Variants in DEPTOR observed in about 807,000 individuals in gnomAD.
The protein encoded by DEPTOR is DEP domain-containing mTOR-interacting protein.
DEPTOR carries 41 observed loss-of-function variants against 41.6 expected under a neutral mutation model. The ratio of observed to expected loss-of-function variants is 0.98; its 90% CI spans 0.77 to 1.28. The LOEUF (loss-of-function observed/expected upper bound fraction) is 1.28, where lower values mean the gene tolerates loss of function less well. DEPTOR is among the 50% of genes most tolerant of loss of function. DEPTOR has a pLI of 0.00. For missense variants in DEPTOR, 514 were observed against 527.9 expected (o/e 0.97, Z 0.26); for synonymous variants, 195 against 192.3 (o/e 1.01, Z -0.12).
chr8:119,877,018 G>A (rs1229093453), intron 1 of DEPTOR, among the ~76,000 whole-genome samples: 3 of 152,170 alleles, frequency 2.0e-5, no homozygotes, highest in Admixed American at 6.5e-5. Flanking sequence ...GGTGAAGAGC[G>A]CAGGATATAG....
chr8:119,895,770 A>G (rs1827512798), intron 1 of DEPTOR, among the ~76,000 whole-genome samples: 1 of 152,170 alleles, frequency 6.6e-6, no homozygotes, highest in Non-Finnish European at 1.5e-5. Flanking sequence ...AAGGTGAGGT[A>G]TGGTGTCCTA....
At chr8:119,909,748 T>G (rs1036688195) in intron 1 of DEPTOR, among the ~76,000 whole-genome samples, 1 of 152,204 alleles carries the variant, frequency 6.6e-6, no homozygotes, top group Non-Finnish European at 1.5e-5. Context: ...TCACCAGAAG[T>G]GAACCTTCTT....
At chr8:119,981,524 G>T (rs974368015) in intron 4 of DEPTOR, among the ~76,000 whole-genome samples, 3 of 151,876 alleles carry the variant, frequency 2.0e-5, no homozygotes, top group Non-Finnish European at 2.9e-5. Flanking sequence ...AGGTGTGGTG[G>T]TGCACACCTG....
chr8:119,932,149 T>C (rs931928703), intron 3 of DEPTOR, among the ~76,000 whole-genome samples: 5 of 149,836 alleles, frequency 3.3e-5, no homozygotes, highest in Non-Finnish European at 7.4e-5. Flanking sequence ...GTCCAGCTAT[T>C]TTTTTTTTAA....
intron 1 of DEPTOR, among the ~76,000 whole-genome samples, chr8:119,912,595 A>G (rs1827759391): frequency 6.6e-6 from 1 of 152,242 alleles, no homozygotes; most frequent in Non-Finnish European, 1.5e-5. Flanking sequence ...TAGACGTGCA[A>G]CACTCAAAGC....
At chr8:119,914,824 G>T (rs1027055533) in intron 1 of DEPTOR, among the ~76,000 whole-genome samples, 2 of 152,220 alleles carry the variant, frequency 1.3e-5, no homozygotes, top group Non-Finnish European at 1.5e-5. Context: ...AGCCTTCTGT[G>T]TTTTACAAGC....
intron 3 of DEPTOR, among the ~76,000 whole-genome samples, chr8:119,931,800 A>G (rs1828046733): frequency 6.6e-6 from 1 of 152,076 alleles, no homozygotes. Context: ...TTAATTTCTT[A>G]GTTCCTTTTG....
At chr8:119,985,387 AC>A (rs1197022453) in intron 4 of DEPTOR, among the ~76,000 whole-genome samples, 1 of 151,588 alleles carries the variant, frequency 6.6e-6, no homozygotes, top group Non-Finnish European at 1.5e-5. Context: ...TCCCTCACCT[AC>A]TTTTCAATGG....
intron 3 of DEPTOR, among the ~76,000 whole-genome samples, chr8:119,964,883 G>C (rs943140008): frequency 3.9e-5 from 6 of 152,100 alleles, no homozygotes; most frequent in Non-Finnish European, 8.8e-5. Flanking sequence ...AGACCAGCCT[G>C]ACCAACATGG....
chr8:119,960,610 A>G (rs1327124606), intron 3 of DEPTOR, among the ~76,000 whole-genome samples: 1 of 152,246 alleles, frequency 6.6e-6, no homozygotes, highest in Non-Finnish European at 1.5e-5. Context: ...CACTTTATGT[A>G]CACTGTACAT....
rs960368250 is a variant in DEPTOR at position 119,990,182 on chromosome 8, G to A, written c.605-11343G>A. On this transcript the variant is annotated intron_variant, in intron 4 of 8. Transcript: ENST00000286234. Reference sequence around the variant, plus strand: ...TGTTTATTTAGTTTTTTTTTGAGACGGAGTCTCACTCTGTCGCCCAGGCTG... The same window carrying A: ...TGTTTATTTAGTTTTTTTTTGAGACAGAGTCTCACTCTGTCGCCCAGGCTG... Among the ~76,000 whole-genome samples the A allele has an allele frequency of 7.1e-4, 107 of 151,710 alleles. 2 individuals carry two copies. The highest frequency in any genetic ancestry group is 6.8e-3 in the Admixed American group (103 of 15,238).
intron 1 of DEPTOR, among the ~76,000 whole-genome samples, chr8:119,927,271 T>C (rs1827975334): frequency 6.6e-6 from 1 of 152,134 alleles, no homozygotes; most frequent in Admixed American, 6.5e-5. Context: ...CAAGCTAGCA[T>C]TCAGCTCGAG....
chr8:119,953,411 C>T (rs1024033584), intron 3 of DEPTOR, among the ~76,000 whole-genome samples: 33 of 151,900 alleles, frequency 2.2e-4, no homozygotes, highest in African/African-American at 7.0e-4. Context: ...GGTGAAACCC[C>T]GTCTCTACTG....
Position 119,919,624 on chromosome 8 carries a change from T to G in DEPTOR, c.123-8776T>G, listed in dbSNP as rs1827864977. On this transcript the variant is annotated intron_variant, in intron 1 of 8. Transcript: ENST00000286234. ...GAGTGACTTTCCCTGGGTTCTCAGATCCCCAAGGACAGATATTGGCTGTTG... is the reference window on the plus strand; with the variant it reads ...GAGTGACTTTCCCTGGGTTCTCAGAGCCCCAAGGACAGATATTGGCTGTTG... 9.2e-5 allele frequency among the ~76,000 whole-genome samples: 14 copies of G among 152,240 alleles called. 2 individuals carry two copies. In the South Asian group the frequency reaches 2.9e-3, roughly 32 times the overall value.
At position 120,006,120 on chromosome 8, in the gene DEPTOR, G is replaced by A. The variant is rs111325981; in HGVS notation, c.926-685G>A. ...ATTCATTCTTGTGATGATTAAGTGA[G>A]TTAATATATTCACCTCACATGGTGC... is the stretch of plus-strand genomic sequence containing the variant. On this transcript the variant is annotated intron_variant, in intron 6 of 8. Coordinates refer to ENST00000286234, the MANE Select transcript of DEPTOR (RefSeq NM_022783.4). Among the ~76,000 whole-genome samples, 287 of 152,270 alleles carry A rather than the reference G, an allele frequency of 1.9e-3. 1 individual carries two copies. The highest frequency in any genetic ancestry group is 6.3e-3 in the African/African-American group (260 of 41,534).
intron 3 of DEPTOR, among the ~76,000 whole-genome samples, chr8:119,943,314 G>T (rs1828228053): frequency 6.6e-6 from 1 of 152,188 alleles, no homozygotes; most frequent in South Asian, 2.1e-4. Context: ...AAGAAAAGAG[G>T]TTTAATTGAC....
chr8:119,975,944 G>C (rs974160246), intron 4 of DEPTOR, among the ~76,000 whole-genome samples: 1 of 126,878 alleles, frequency 7.9e-6, no homozygotes, highest in Non-Finnish European at 1.6e-5. Context: ...ACAGTGAACC[G>C]AGATTGTGCT....
At chr8:119,898,740 A>AT (rs1827551702) in intron 1 of DEPTOR, among the ~76,000 whole-genome samples, 1 of 151,748 alleles carries the variant, frequency 6.6e-6, no homozygotes, top group Non-Finnish European at 1.5e-5. Flanking sequence ...AAAAAAAAAA[A>AT]GCCTTATATT....
At chr8:119,941,027 T>C (rs1329632765) in intron 3 of DEPTOR, among the ~76,000 whole-genome samples, 1 of 151,990 alleles carries the variant, frequency 6.6e-6, no homozygotes, top group Non-Finnish European at 1.5e-5. Flanking sequence ...AGAGGGATGG[T>C]GCTGATGGTT....
Sources: allele counts gnomAD v4.1 joint callset (sites outside exome capture counted in the v4.1 genomes callset), GRCh38; gene constraint gnomAD v4.1.1; transcripts MANE v1.5; gene names NCBI Gene and HGNC (gene_info 2026-07-23, HGNC 2026-07-21).